MGME1: variants seen among roughly 807,000 people sequenced by gnomAD.
MGME1 encodes mitochondrial genome maintenance exonuclease 1, also known as chromosome 20 open reading frame 72.
Under a neutral mutation model 33.0 loss-of-function variants are expected in MGME1, and 22 were observed. That is an observed-to-expected ratio of 0.67 (90% CI 0.48 to 0.95). MGME1 has a LOEUF of 0.95. Ranked by LOEUF, MGME1 falls within the 40% of genes least tolerant of loss-of-function variation. MGME1 has a pLI of 0.00. For synonymous variants in MGME1, 133 were observed against 144.0 expected, an observed-to-expected ratio of 0.92 and a Z score of 0.55; for missense variants, 383 against 397.8, an observed-to-expected ratio of 0.96 and a Z score of 0.32.
chr20:17,973,866 C>G (rs2035789800), intron 2 of MGME1, among the ~76,000 whole-genome samples: 2 of 152,102 alleles, frequency 1.3e-5, no homozygotes, highest in South Asian at 4.1e-4. Flanking sequence ...ACAGCACTGC[C>G]TGGTGGGATA....
At chr20:17,987,977 C>T (rs1303209316) in intron 3 of MGME1, among the ~76,000 whole-genome samples, 189 bp from the exon 4 acceptor site, 48 of 152,042 alleles carry the variant, frequency 3.2e-4, no homozygotes, top group Admixed American at 3.1e-3. Flanking sequence ...CACTTGAGCC[C>T]AGGAGTATGC....
intron 2 of MGME1, chr20:17,972,616 C>T: frequency 1.1e-6 from 1 of 942,704 alleles, no homozygotes; most frequent in Non-Finnish European, 1.3e-6. Flanking sequence ...ATGCTACATG[C>T]AGTGAATATT....
At position 17,976,015 on chromosome 20, in the gene MGME1, T is replaced by C. The variant is rs6132016; in HGVS notation, c.731+112T>C. ...CTGTTTAATGTCCAGACCTTTGTGC[T>C]AGGTAAAAGAATTGGGTGGGGCGGG... On this transcript the variant is annotated intron_variant, in intron 3 of 4. Transcript: ENST00000377710. The C allele has an allele frequency of 2.3e-3, 1,962 of 859,496 alleles. 46 individuals carry two copies. The Admixed American group carries it at 0.031, about 14-fold the overall frequency. The allele number at this position is 859,496 out of a possible 1,614,324, so 53.2% of individuals were successfully genotyped here. A position where few individuals can be genotyped will look rare whatever the true frequency, so the allele number is the denominator to read the frequency against.
At chr20:17,983,267 T>TTTGTGTGTGTG (rs79417227) in intron 3 of MGME1, among the ~76,000 whole-genome samples, 1,671 of 142,662 alleles carry the variant, frequency 0.012, 19 homozygotes, top group East Asian at 0.066. Flanking sequence ...TAGTGTTCTA[T>TTTGTGTGTGTG]TGTGTGTGTG....
intron 3 of MGME1, among the ~76,000 whole-genome samples, chr20:17,980,926 T>C (rs1200645247): frequency 6.6e-6 from 1 of 152,198 alleles, no homozygotes; most frequent in East Asian, 1.9e-4. Context: ...CTTAAAACTT[T>C]TTTTTTCCTT....
intron 3 of MGME1, among the ~76,000 whole-genome samples, chr20:17,983,031 C>T (rs1240131543): frequency 6.6e-6 from 1 of 152,020 alleles, no homozygotes; most frequent in African/African-American, 2.4e-5. Context: ...AACCTCTTAC[C>T]CTGGGATCAG....
rs2035658504 is a variant in MGME1 at position 17,969,651 on chromosome 20, A to C, written c.-59-150A>C. The C allele has an allele frequency of 1.9e-5, 10 of 525,084 alleles. No individual in the cohort carries two copies. The South Asian group carries it at 2.9e-4, about 15-fold the overall frequency. The allele number at this position is 525,084 out of a possible 1,614,324, so 32.5% of individuals were successfully genotyped here. A position where few individuals can be genotyped will look rare whatever the true frequency, so the allele number is the denominator to read the frequency against. ...TCCTTCGGGTATTGAGTCTTGATTT[A>C]TTTATAAATTTTTTTTGGAGGCAGG... On this transcript the variant is annotated intron_variant, in intron 1 of 4. Transcript: ENST00000377710.
intron 3 of MGME1, among the ~76,000 whole-genome samples, chr20:17,986,420 C>G: frequency 6.6e-6 from 1 of 151,198 alleles, no homozygotes; most frequent in Non-Finnish European, 1.5e-5. Flanking sequence ...TTGTTACCCA[C>G]GCTGTTGTGC....
At position 17,975,703 on chromosome 20, in the gene MGME1, A is replaced by C; in HGVS notation, c.531A>C (p.Lys177Asn). ...EYTSNVFLQG[K>N]RFHEALESIL... ...TTTCAGACGTCTTTTTACAAGGGAA[A>C]CGGTTCCACGAAGCCTTGGAAAGCA... is the stretch of plus-strand genomic sequence containing the variant. Residue 177 changes from lysine (K) to asparagine (N), a missense_variant, in exon 3 of 5, where the codon AAA becomes AAC. Lys to Asn is a moderately conservative substitution (Grantham distance 94). Coordinates refer to ENST00000377710, the MANE Select transcript of MGME1 (RefSeq NM_052865.4). The C allele has an allele frequency of 6.2e-7, 1 of 1,613,726 alleles. No homozygotes were observed. Among genetic ancestry groups the C allele is most frequent in the Non-Finnish European group, 8.5e-7 (1 of 1,179,708 alleles).
chr20:17,976,608 T>C (rs957887235), intron 3 of MGME1, among the ~76,000 whole-genome samples: 2 of 152,212 alleles, frequency 1.3e-5, no homozygotes, highest in African/African-American at 4.8e-5. Flanking sequence ...GTGCTTGACA[T>C]GGATCAGAGA....
intron 4 of MGME1, 100 bp downstream of exon 4, chr20:17,988,398 T>G (rs1453734190): frequency 7.5e-7 from 1 of 1,329,696 alleles, no homozygotes; most frequent in Non-Finnish European, 1.0e-6. Flanking sequence ...TCCTAGCACT[T>G]TGGGAGGCCA....
chr20:17,987,864 TG>T (rs2036192277), intron 3 of MGME1, among the ~76,000 whole-genome samples: 2 of 151,246 alleles, frequency 1.3e-5, no homozygotes, highest in Non-Finnish European at 2.9e-5. Context: ...GGATAGGGGA[TG>T]GGGGGAGGAA....
intron 2 of MGME1, chr20:17,972,612 C>A: frequency 2.1e-6 from 2 of 935,892 alleles, no homozygotes; most frequent in Non-Finnish European, 2.5e-6. Flanking sequence ...CTTGATGCTA[C>A]ATGCAGTGAA....
At chr20:17,979,472 C>T (rs929920306) in intron 3 of MGME1, among the ~76,000 whole-genome samples, 6 of 148,172 alleles carry the variant, frequency 4.0e-5, no homozygotes, top group South Asian at 2.2e-4. Flanking sequence ...AGTGCAGTGG[C>T]GCGATCTCGG....
chr20:17,973,570 T>C (rs946717491), intron 2 of MGME1, among the ~76,000 whole-genome samples: 1 of 151,520 alleles, frequency 6.6e-6, no homozygotes, highest in Non-Finnish European at 1.5e-5. Context: ...TAAGGCCAGG[T>C]GTTCAAGGTT....
chr20:17,971,872 A>G (rs1487804986), intron 2 of MGME1, among the ~76,000 whole-genome samples: 1 of 152,072 alleles, frequency 6.6e-6, no homozygotes, highest in Non-Finnish European at 1.5e-5. Flanking sequence ...AGTAGCTGGG[A>G]CCACAGGCGT....
At chr20:17,983,268 TGTGTGTG>T (rs1159678085) in intron 3 of MGME1, among the ~76,000 whole-genome samples, 2 of 17,342 alleles carry the variant, frequency 1.2e-4, no homozygotes, top group Non-Finnish European at 2.2e-4. Flanking sequence ...AGTGTTCTAT[TGTGTGTG>T]TGTGTGTGTG....
At chr20:17,972,128 AG>A (rs1286271590) in intron 2 of MGME1, among the ~76,000 whole-genome samples, 1 of 152,204 alleles carries the variant, frequency 6.6e-6, no homozygotes, top group Non-Finnish European at 1.5e-5. Context: ...TAAAAGAAAA[AG>A]GGCTCACTAA....
chr20:17,990,391 G>T lies in MGME1; in HGVS notation c.*282G>T. On this transcript the variant is annotated 3_prime_UTR_variant, in exon 5 of 5. Transcript: ENST00000377710. ...ATGGGCAGTCATGCTGGTGACTCTT[G>T]TACTCCCTTGAGGGACATTGGGGGG... is the stretch of plus-strand genomic sequence containing the variant. 5 of 275,390 alleles carry T rather than the reference G, an allele frequency of 1.8e-5. No individual in the cohort carries two copies. Among genetic ancestry groups the T allele is most frequent in the South Asian group, 3.3e-5 (1 of 30,516 alleles). The allele number at this position is 275,390 out of a possible 1,614,324, so 17.1% of individuals were successfully genotyped here.
Sources: gnomAD v4.1 joint callset for allele counts (sites outside exome capture counted in the v4.1 genomes callset) on GRCh38, gnomAD v4.1.1 for gene constraint, MANE v1.5 for transcripts, NCBI Gene and HGNC (gene_info 2026-07-23, HGNC 2026-07-21) for gene names.